Variants in TBC1D5 observed in about 807,000 individuals in gnomAD.
TBC1D5 encodes the protein TBC1 domain family, member 5.
In TBC1D5, 75 loss-of-function variants were observed where a neutral mutation model predicts 100.3. The ratio of observed to expected loss-of-function variants is 0.75; its 90% CI spans 0.62 to 0.91. The LOEUF (loss-of-function observed/expected upper bound fraction) is 0.91, where lower values mean the gene tolerates loss of function less well. Among genes scored for constraint, TBC1D5 ranks in the 40% least tolerant of loss-of-function variants. The pLI, the probability that TBC1D5 is intolerant of heterozygous loss-of-function variation, is 0.00. For missense variants in TBC1D5, 910 were observed against 942.4 expected (o/e 0.97, Z 0.45); for synonymous variants, 323 against 325.6 (o/e 0.99, Z 0.09).
At chr3:17,712,126 CTG>C (rs1328859798) in intron 1 of TBC1D5, among the ~76,000 whole-genome samples, 1 of 152,086 alleles carries the variant, frequency 6.6e-6, no homozygotes, top group Non-Finnish European at 1.5e-5. Flanking sequence ...TCATAGGAAA[CTG>C]TCTCCTTACT....
intron 2 of TBC1D5, among the ~76,000 whole-genome samples, chr3:17,553,894 G>A (rs1043949532): frequency 1.3e-5 from 2 of 152,160 alleles, no homozygotes; most frequent in Admixed American, 1.3e-4. Flanking sequence ...AACAATCCAA[G>A]TATTTACCAA....
chr3:17,256,591 G>A (rs566946168), intron 16 of TBC1D5, among the ~76,000 whole-genome samples: 2 of 151,890 alleles, frequency 1.3e-5, no homozygotes, highest in African/African-American at 2.4e-5. Context: ...TTCCTGTGGT[G>A]GAGAAAAAGG....
At chr3:17,233,603 AAG>A in intron 17 of TBC1D5, 80 bp downstream of exon 18, 1 of 812,150 alleles carries the variant, frequency 1.2e-6, no homozygotes, top group South Asian at 1.8e-5. Flanking sequence ...GGTGGGCAAA[AAG>A]AAAAATGGAG....
intron 9 of TBC1D5, among the ~76,000 whole-genome samples, chr3:17,377,571 C>A (rs1366474752): frequency 1.3e-5 from 2 of 151,874 alleles, no homozygotes; most frequent in African/African-American, 2.4e-5. Flanking sequence ...AGACAAAACA[C>A]CACTTTTAGA....
rs542610974 is a variant in TBC1D5, at chr3:17,326,959, C to T, written c.996-18825G>A. 5.3e-5 allele frequency among the ~76,000 whole-genome samples: 8 copies of T among 152,274 alleles called. No individual in the cohort carries two copies. The East Asian group carries it at 1.5e-3, about 29-fold the overall frequency. On this transcript the variant is annotated intron_variant, in intron 13 of 21. Coordinates refer to ENST00000253692, the Ensembl canonical transcript of TBC1D5. ...CCTACGTTTAATTCATCAGCAAATC[C>T]TTTTGTACCTTCAAAATACATTCAG...
intron 2 of TBC1D5, among the ~76,000 whole-genome samples, chr3:17,530,497 C>T (rs971878651): frequency 6.6e-6 from 1 of 152,148 alleles, no homozygotes; most frequent in Non-Finnish European, 1.5e-5. Flanking sequence ...AAAGACTTAA[C>T]CCTTTCTCTC....
At chr3:17,210,912 C>A (rs577043193) in intron 18 of TBC1D5, among the ~76,000 whole-genome samples, 1 of 152,186 alleles carries the variant, frequency 6.6e-6, no homozygotes, top group South Asian at 2.1e-4. Flanking sequence ...TCCACTTTCT[C>A]TTCCAACTCT....
intron 1 of TBC1D5, among the ~76,000 whole-genome samples, chr3:17,695,914 C>T (rs538819382): frequency 6.6e-6 from 1 of 152,316 alleles, no homozygotes; most frequent in Non-Finnish European, 1.5e-5. Flanking sequence ...GACCACAGTG[C>T]AATCAAATTA....
intron 4 of TBC1D5, among the ~76,000 whole-genome samples, chr3:17,413,037 A>T (rs1200856415): frequency 6.6e-6 from 1 of 152,182 alleles, no homozygotes; most frequent in Non-Finnish European, 1.5e-5. Flanking sequence ...GTAGTTAAGA[A>T]CCTGGGTGTT....
chr3:17,440,030 G>A (rs2094617377), intron 3 of TBC1D5, among the ~76,000 whole-genome samples: 1 of 152,096 alleles, frequency 6.6e-6, no homozygotes, highest in South Asian at 2.1e-4. Flanking sequence ...GTCACATGTT[G>A]AACACTTACA....
intron 1 of TBC1D5, among the ~76,000 whole-genome samples, chr3:17,737,205 G>A (rs1185279777): frequency 6.6e-6 from 1 of 152,176 alleles, no homozygotes; most frequent in Admixed American, 6.5e-5. Flanking sequence ...GCTTATGTCA[G>A]AAGTGGGGGC....
chr3:17,292,052 G>T, intron 14 of TBC1D5, 51 bp from the exon 15 acceptor site: 1 of 1,432,278 alleles, frequency 7.0e-7, no homozygotes, highest in African/African-American at 1.4e-5. Context: ...AAGATATTCT[G>T]CATTGCTGAG....
chr3:17,192,076 C>T (rs2125646453), intron 18 of TBC1D5, among the ~76,000 whole-genome samples: 1 of 151,928 alleles, frequency 6.6e-6, no homozygotes, highest in South Asian at 2.1e-4. Flanking sequence ...GGATAGTCCC[C>T]AAATAGTTTA....
chr3:17,533,706 A>C (rs1006201506), intron 2 of TBC1D5, among the ~76,000 whole-genome samples: 4 of 152,164 alleles, frequency 2.6e-5, no homozygotes, highest in African/African-American at 9.7e-5. Flanking sequence ...TGTGAATTAC[A>C]AAAGACAACC....
intron 2 of TBC1D5, chr3:17,519,094 C>CTTTCTGAA (rs752140560): frequency 9.4e-4 from 143 of 152,454 alleles, no homozygotes; most frequent in South Asian, 7.7e-3. Context: ...AAAGAGCATT[C>CTTTCTGAA]TTGGGGGAGA....
chr3:17,736,842 C>T (rs538178995), intron 1 of TBC1D5, among the ~76,000 whole-genome samples: 1 of 152,088 alleles, frequency 6.6e-6, no homozygotes, highest in Non-Finnish European at 1.5e-5. Context: ...GAAACCCCGT[C>T]TCTACTAAAA....
chr3:17,519,782 C>T (rs190631541), intron 2 of TBC1D5, among the ~76,000 whole-genome samples: 1 of 152,150 alleles, frequency 6.6e-6, no homozygotes, highest in Admixed American at 6.5e-5. Context: ...TGTAGTATGT[C>T]GTAGGAATAG....
chr3:17,247,928 C>T (rs893184517), intron 16 of TBC1D5, among the ~76,000 whole-genome samples: 12 of 152,146 alleles, frequency 7.9e-5, no homozygotes, highest in African/African-American at 2.9e-4. Flanking sequence ...CAATTTTAGG[C>T]TCCACTTATA....
chr3:17,704,366 C>T (rs1023785851), intron 1 of TBC1D5, among the ~76,000 whole-genome samples: 1 of 152,022 alleles, frequency 6.6e-6, no homozygotes, highest in Non-Finnish European at 1.5e-5. Context: ...AATCCCTTCC[C>T]CACCCTTCCC....
Sources: allele counts gnomAD v4.1 joint callset (sites outside exome capture counted in the v4.1 genomes callset), GRCh38; gene constraint gnomAD v4.1.1; transcripts MANE v1.5; gene names NCBI Gene and HGNC (gene_info 2026-07-23, HGNC 2026-07-21).